VPS53: variants seen among roughly 807,000 people sequenced by gnomAD.
VPS53 encodes vacuolar protein sorting-associated protein 53 homolog.
In VPS53, 70 loss-of-function variants were observed where a neutral mutation model predicts 107.0. The ratio of observed to expected loss-of-function variants is 0.65; its 90% CI spans 0.54 to 0.80. The LOEUF (loss-of-function observed/expected upper bound fraction) is 0.80. VPS53 is among the 30% of genes least tolerant of loss of function. VPS53 has a pLI of 0.00. For synonymous variants in VPS53, 409 were observed against 393.3 expected, an observed-to-expected ratio of 1.04 and a Z score of -0.47; for missense variants, 917 against 1,049.4, an observed-to-expected ratio of 0.87 and a Z score of 1.74.
intron 4 of VPS53, among the ~76,000 whole-genome samples, chr17:672,290 T>G (rs1418215342): frequency 6.6e-6 from 1 of 152,026 alleles, no homozygotes; most frequent in Non-Finnish European, 1.5e-5. Context: ...TCACACTTGT[T>G]GAACTTCTTC....
intron 1 of VPS53, among the ~76,000 whole-genome samples, chr17:711,537 T>A (rs1250472083): frequency 2.0e-5 from 3 of 152,224 alleles, no homozygotes; most frequent in African/African-American, 7.2e-5. Flanking sequence ...ATACACAGGT[T>A]ATTTACACAG....
At chr17:527,524 T>C (rs925402273) in intron 19 of VPS53, among the ~76,000 whole-genome samples, 2 of 152,216 alleles carry the variant, frequency 1.3e-5, no homozygotes, top group African/African-American at 2.4e-5. Flanking sequence ...AGTTTTCCAA[T>C]GTGGCTGGGC....
At chr17:550,682 T>C (rs1911735780) in intron 17 of VPS53, among the ~76,000 whole-genome samples, 1 of 152,126 alleles carries the variant, frequency 6.6e-6, no homozygotes, top group African/African-American at 2.4e-5. Flanking sequence ...TCTCCCATAT[T>C]CAAGACTACA....
chr17:644,238 T>C lies in VPS53; in HGVS notation c.608+9053A>G, dbSNP rs1455733254. The stretch of plus-strand genomic sequence containing the variant: ...TTAGCTATGCTCAAATCAAGGCTCA[T>C]GAACTTCCTATTTCAAATGTACAGG... On this transcript the variant is annotated intron_variant, in intron 7 of 21. Transcript: ENST00000437048. Among the ~76,000 whole-genome samples, 3 of 152,380 alleles carry C rather than the reference T, an allele frequency of 2.0e-5. No individual in the cohort carries two copies. In the East Asian group the frequency reaches 5.8e-4, roughly 29 times the overall value.
chr17:622,857 ATTTT>A (rs200220802), intron 11 of VPS53, among the ~76,000 whole-genome samples: 1 of 145,172 alleles, frequency 6.9e-6, no homozygotes, highest in Non-Finnish European at 1.5e-5. Flanking sequence ...CACCCGACTA[ATTTT>A]TTTTTTTTTG....
intron 11 of VPS53, among the ~76,000 whole-genome samples, chr17:618,484 G>T (rs1226639603): frequency 6.6e-6 from 1 of 150,830 alleles, no homozygotes; most frequent in Non-Finnish European, 1.5e-5. Context: ...CCGGGTAGCT[G>T]GGACTACAGG....
At chr17:675,787 A>C (rs1972136244) in intron 4 of VPS53, 1 of 151,648 alleles carries the variant, frequency 6.6e-6, no homozygotes, top group Admixed American at 6.6e-5. Flanking sequence ...AAAAAAAAAA[A>C]AACTTACTTG....
rs559313739 is a variant in VPS53 at position 598,683 on chromosome 17, C to T, written c.1218+3112G>A. Among the ~76,000 whole-genome samples the T allele has an allele frequency of 1.5e-3, 214 of 140,156 alleles. 1 individual carries two copies. Among genetic ancestry groups the T allele is most frequent in the Non-Finnish European group, 2.2e-3 (140 of 63,392 alleles). The allele number at this position is 140,156 out of a possible 152,430, so 91.9% of individuals were successfully genotyped here. A position where few individuals can be genotyped will look rare whatever the true frequency, so the allele number is the denominator to read the frequency against. On this transcript the variant is annotated intron_variant, in intron 12 of 21. Coordinates refer to ENST00000437048, the MANE Select transcript of VPS53 (RefSeq NM_001128159.3). ...GTCTGGGAGGTGAGGAGCATTTCTG[C>T]CCGGCCGCCCCGTCTGAGAAGTGAG...
At chr17:626,012 G>A (rs1037575524) in intron 10 of VPS53, among the ~76,000 whole-genome samples, 12 of 152,016 alleles carry the variant, frequency 7.9e-5, no homozygotes, top group South Asian at 2.1e-4. Flanking sequence ...AGACCAGCCC[G>A]AACAACACAG....
chr17:558,206 G>A (rs542031350), intron 15 of VPS53, among the ~76,000 whole-genome samples: 2 of 152,336 alleles, frequency 1.3e-5, no homozygotes, highest in South Asian at 2.1e-4. Flanking sequence ...GGTGGCTCAC[G>A]CCTATAATCC....
intron 4 of VPS53, among the ~76,000 whole-genome samples, chr17:662,819 A>G (rs12948529): frequency 0.047 from 4,503 of 95,178 alleles, 269 homozygotes; most frequent in Middle Eastern, 0.12. Flanking sequence ...AAAAGAAAGA[A>G]AGAGAAAGAG....
chr17:624,480 G>C (rs1969604715), intron 10 of VPS53, among the ~76,000 whole-genome samples: 1 of 152,044 alleles, frequency 6.6e-6, no homozygotes. Flanking sequence ...TGGTGAACAG[G>C]GACATGTGAG....
chr17:649,927 G>A (rs1234298609), intron 7 of VPS53, among the ~76,000 whole-genome samples: 1 of 152,218 alleles, frequency 6.6e-6, no homozygotes, highest in Non-Finnish European at 1.5e-5. Context: ...CAACAGCTGG[G>A]CCAAATAGCA....
At chr17:665,523 T>C (rs1269176540) in intron 4 of VPS53, among the ~76,000 whole-genome samples, 4 of 152,168 alleles carry the variant, frequency 2.6e-5, no homozygotes, top group South Asian at 2.1e-4. Flanking sequence ...CCTGAAAACA[T>C]GGCTTTGGAG....
intron 1 of VPS53, among the ~76,000 whole-genome samples, chr17:713,130 A>T (rs1196484430): frequency 6.6e-6 from 1 of 151,162 alleles, no homozygotes; most frequent in East Asian, 2.0e-4. Context: ...GAGCCCCAGG[A>T]GTTCGAGGCT....
chr17:650,193 T>C (rs556375867), intron 7 of VPS53, among the ~76,000 whole-genome samples: 1 of 152,288 alleles, frequency 6.6e-6, no homozygotes, highest in Admixed American at 6.5e-5. Flanking sequence ...CATGAGTGTT[T>C]AGAGGAAGAA....
At chr17:587,705 T>C (rs1313869400) in intron 12 of VPS53, among the ~76,000 whole-genome samples, 1 of 152,260 alleles carries the variant, frequency 6.6e-6, no homozygotes, top group African/African-American at 2.4e-5. Context: ...ATGTGAATTC[T>C]GTCTATTGCC....
At chr17:688,111 A>G (rs1178232724) in intron 4 of VPS53, among the ~76,000 whole-genome samples, 2 of 152,104 alleles carry the variant, frequency 1.3e-5, no homozygotes, top group Non-Finnish European at 2.9e-5. Context: ...TGCCGCAGAC[A>G]TGTCTCCCTG....
At chr17:575,103 G>A (rs987395477) in intron 13 of VPS53, among the ~76,000 whole-genome samples, 1 of 152,242 alleles carries the variant, frequency 6.6e-6, no homozygotes, top group African/African-American at 2.4e-5. Flanking sequence ...ATGACGGCAA[G>A]GCAACTTGCC....
Sources: allele counts gnomAD v4.1 joint callset (sites outside exome capture counted in the v4.1 genomes callset), GRCh38; gene constraint gnomAD v4.1.1; transcripts MANE v1.5; gene names NCBI Gene and HGNC (gene_info 2026-07-23, HGNC 2026-07-21).